Variants in SLC24A2 observed in about 807,000 individuals in gnomAD.
The protein encoded by SLC24A2 is solute carrier family 24 member 2.
Under a neutral mutation model 62.0 loss-of-function variants are expected in SLC24A2, and 36 were observed. The ratio of observed to expected loss-of-function variants is 0.58; its 90% CI spans 0.44 to 0.77. The LOEUF is 0.77. Ranked by LOEUF, SLC24A2 falls within the 30% of genes least tolerant of loss-of-function variation. SLC24A2 has a pLI of 0.00. For missense variants in SLC24A2, 846 were observed against 817.9 expected, an observed-to-expected ratio of 1.03 and a Z score of -0.42; for synonymous variants, 358 against 294.0, an observed-to-expected ratio of 1.22 and a Z score of -2.23.
chr9:19,789,712 G>C (rs1823283282), upstream of SLC24A2, among the ~76,000 whole-genome samples: 1 of 152,218 alleles, frequency 6.6e-6, no homozygotes, highest in Admixed American at 6.5e-5. Flanking sequence ...TGTTGGGGAT[G>C]AGAGACTAGA....
chr9:19,735,334 A>G (rs1364705729), intron 2 of SLC24A2, among the ~76,000 whole-genome samples: 2 of 152,082 alleles, frequency 1.3e-5, no homozygotes, highest in East Asian at 3.9e-4. Context: ...TTAGAATGGC[A>G]ATCATTAAAA....
the SLC24A2 span, among the ~76,000 whole-genome samples, chr9:20,300,154 G>A: frequency 2.6e-5 from 4 of 152,178 alleles, no homozygotes; most frequent in African/African-American, 9.6e-5. Context: ...AGGTATATAT[G>A]TATTTATGGG....
At chr9:20,217,139 G>C in the SLC24A2 span, among the ~76,000 whole-genome samples, 18 of 152,138 alleles carry the variant, frequency 1.2e-4, no homozygotes, top group Non-Finnish European at 1.9e-4. Context: ...ACAACAATAA[G>C]AATGAAAAAT....
chr9:20,067,257 A>G, the SLC24A2 span, among the ~76,000 whole-genome samples: 1 of 152,188 alleles, frequency 6.6e-6, no homozygotes, highest in South Asian at 2.1e-4. Flanking sequence ...TTTTAAACAT[A>G]ATTTGAACTC....
chr9:19,910,612 C>T, the SLC24A2 span, among the ~76,000 whole-genome samples: 3 of 152,100 alleles, frequency 2.0e-5, no homozygotes, highest in African/African-American at 7.2e-5. Flanking sequence ...CCACATATAG[C>T]ATGCTTGGTA....
At chr9:20,203,981 A>T in the SLC24A2 span, among the ~76,000 whole-genome samples, 1 of 151,462 alleles carries the variant, frequency 6.6e-6, no homozygotes, top group South Asian at 2.1e-4. Context: ...ACAGAGTCAC[A>T]TTACTCTCCT....
the SLC24A2 span, among the ~76,000 whole-genome samples, chr9:20,070,468 T>C: frequency 6.6e-6 from 1 of 152,240 alleles, no homozygotes; most frequent in Non-Finnish European, 1.5e-5. Flanking sequence ...CAGGGAGCCA[T>C]CATTGTTCAT....
chr9:19,574,400 G>C (rs1448630790), intron 6 of SLC24A2, among the ~76,000 whole-genome samples: 1 of 152,122 alleles, frequency 6.6e-6, no homozygotes, highest in Non-Finnish European at 1.5e-5. Flanking sequence ...GTAACACTGG[G>C]AATCAGACAG....
chr9:20,271,727 T>C, the SLC24A2 span, among the ~76,000 whole-genome samples: 6 of 152,338 alleles, frequency 3.9e-5, no homozygotes, highest in South Asian at 1.0e-3. Context: ...TATTTTGTTA[T>C]TTTATTTTAC....
the SLC24A2 span, among the ~76,000 whole-genome samples, chr9:20,119,082 G>A: frequency 1.3e-5 from 2 of 152,148 alleles, no homozygotes; most frequent in African/African-American, 2.4e-5. Flanking sequence ...AGAACTGAAC[G>A]CAGCCTTCAG....
rs75115901 is a variant in SLC24A2 at position 19,678,977 on chromosome 9, A to G, written c.931-56678T>C. On this transcript the variant is annotated intron_variant, in intron 2 of 10. Transcript: ENST00000341998. ...AAGTGAAGAAAGTAAAACTTATACA[A>G]CTGACTGAATGCTGAGCTGATGGAG... 8.1e-4 allele frequency among the ~76,000 whole-genome samples: 124 copies of G among 152,342 alleles called. 2 individuals carry two copies. The highest frequency in any genetic ancestry group is 2.9e-3 in the African/African-American group (121 of 41,590).
intron 2 of SLC24A2, among the ~76,000 whole-genome samples, chr9:19,737,935 T>C (rs1430367865): frequency 6.6e-6 from 1 of 152,172 alleles, no homozygotes; most frequent in African/African-American, 2.4e-5. Flanking sequence ...GAAGTAAATA[T>C]ATGAAAATTT....
At chr9:20,250,178 C>T in the SLC24A2 span, among the ~76,000 whole-genome samples, 758 of 152,302 alleles carry the variant, frequency 5.0e-3, 6 homozygotes, top group African/African-American at 0.018. Flanking sequence ...GAAAGGATCA[C>T]CAAGCCCACT....
At chr9:19,873,121 G>T in the SLC24A2 span, among the ~76,000 whole-genome samples, 1 of 152,118 alleles carries the variant, frequency 6.6e-6, no homozygotes, top group African/African-American at 2.4e-5. Flanking sequence ...TAGTGGGAAA[G>T]GATTATCAAA....
chr9:19,653,103 C>A (rs974818702), intron 2 of SLC24A2, among the ~76,000 whole-genome samples: 1 of 152,200 alleles, frequency 6.6e-6, no homozygotes, highest in Admixed American at 6.5e-5. Flanking sequence ...ACTGCTCACC[C>A]CCCAAACTTG....
the SLC24A2 span, among the ~76,000 whole-genome samples, chr9:19,984,898 G>A: frequency 5.3e-5 from 8 of 152,124 alleles, no homozygotes; most frequent in African/African-American, 9.7e-5. Context: ...GGCAAGAGGA[G>A]TATATGGGAA....
the SLC24A2 span, among the ~76,000 whole-genome samples, chr9:19,831,948 A>G: frequency 6.6e-6 from 1 of 152,382 alleles, no homozygotes; most frequent in Admixed American, 6.5e-5. Context: ...ATACTCTAGC[A>G]TAATGAAAAA....
the SLC24A2 span, among the ~76,000 whole-genome samples, chr9:20,141,286 C>T: frequency 2.6e-5 from 4 of 152,090 alleles, no homozygotes; most frequent in African/African-American, 7.2e-5. Flanking sequence ...AGCAGCTTCC[C>T]CGGCCTACGC....
At chr9:19,919,080 G>A in the SLC24A2 span, among the ~76,000 whole-genome samples, 1 of 152,190 alleles carries the variant, frequency 6.6e-6, no homozygotes, top group Non-Finnish European at 1.5e-5. Context: ...AACAATTTCA[G>A]GAGAACTTTT....
Sources: allele counts gnomAD v4.1 joint callset (sites outside exome capture counted in the v4.1 genomes callset), GRCh38; gene constraint gnomAD v4.1.1; transcripts MANE v1.5; gene names NCBI Gene and HGNC (gene_info 2026-07-23, HGNC 2026-07-21).